Variants in KATNAL2 observed in about 807,000 individuals in gnomAD.
KATNAL2 encodes the protein katanin p60 ATPase-containing subunit A-like 2.
A neutral mutation model predicts 76.3 loss-of-function variants in KATNAL2; 52 were observed. The observed-to-expected ratio is 0.68, with a 90% CI of 0.55 to 0.86. The LOEUF (loss-of-function observed/expected upper bound fraction) is 0.86, where lower values mean the gene tolerates loss of function less well. Ranked by LOEUF, KATNAL2 falls within the 40% of genes least tolerant of loss-of-function variation. The pLI is 0.00. For missense variants in KATNAL2, 660 were observed against 668.9 expected, an observed-to-expected ratio of 0.99 and a Z score of 0.15; for synonymous variants, 243 against 244.2, an observed-to-expected ratio of 1.00 and a Z score of 0.05.
At chr18:47,031,451 G>T (rs1474967789) in intron 3 of KATNAL2, among the ~76,000 whole-genome samples, 3 of 151,754 alleles carry the variant, frequency 2.0e-5, no homozygotes, top group African/African-American at 4.8e-5. Flanking sequence ...GTGGGGGCGG[G>T]GTGTGTTTCT....
chr18:46,928,921 G>C (rs2058819273), intron 1 of KATNAL2, among the ~76,000 whole-genome samples: 1 of 151,666 alleles, frequency 6.6e-6, no homozygotes, highest in African/African-American at 2.4e-5. Flanking sequence ...TCAGCCTCCT[G>C]AGTAGCTGTT....
At chr18:46,923,064 T>A (rs1042178798) in intron 1 of KATNAL2, among the ~76,000 whole-genome samples, 20 of 150,474 alleles carry the variant, frequency 1.3e-4, no homozygotes, top group African/African-American at 4.1e-4. Context: ...ATTTTTTTTT[T>A]AATTTTATTA....
intron 3 of KATNAL2, among the ~76,000 whole-genome samples, chr18:46,949,848 A>G (rs145795757): frequency 4.6e-5 from 7 of 152,236 alleles, no homozygotes; most frequent in African/African-American, 1.7e-4. Flanking sequence ...CATCTTAGCT[A>G]TTACCCCTTG....
At chr18:46,930,687 C>CT (rs2058880252) in intron 1 of KATNAL2, among the ~76,000 whole-genome samples, 1 of 150,924 alleles carries the variant, frequency 6.6e-6, no homozygotes, top group Non-Finnish European at 1.5e-5. Context: ...TTGTGGCAGG[C>CT]ACCTGTAATT....
chr18:47,065,425 G>T (rs1348712365), intron 10 of KATNAL2, among the ~76,000 whole-genome samples: 1 of 150,812 alleles, frequency 6.6e-6, no homozygotes, highest in Non-Finnish European at 1.5e-5. Flanking sequence ...AGTATGCACA[G>T]ATTTTGGTAT....
chr18:47,056,255 T>C (rs981853091), intron 6 of KATNAL2, among the ~76,000 whole-genome samples: 3 of 152,182 alleles, frequency 2.0e-5, no homozygotes, highest in Non-Finnish European at 2.9e-5. Context: ...AGCTCCTCCA[T>C]TACAAAATCA....
chr18:47,041,608 C>T (rs946226722), intron 3 of KATNAL2, among the ~76,000 whole-genome samples: 6 of 152,126 alleles, frequency 3.9e-5, no homozygotes, highest in Non-Finnish European at 5.9e-5. Flanking sequence ...ACCTACTGAA[C>T]GACATCTTGG....
intron 3 of KATNAL2, chr18:47,035,347 C>T (rs1286517914): frequency 2.5e-6 from 4 of 1,599,418 alleles, no homozygotes; most frequent in South Asian, 1.1e-5. Context: ...CTGGGGTGGC[C>T]GGTCCTCGCT....
chr18:47,034,335 G>A, intron 3 of KATNAL2: 1 of 1,613,210 alleles, frequency 6.2e-7, no homozygotes, highest in Non-Finnish European at 8.5e-7. Context: ...TCGAGTGACT[G>A]TGCTGAGGCC....
chr18:47,062,951 A>G (rs754697463), intron 8 of KATNAL2, 21 bp from the exon 9 acceptor site: 33 of 1,586,250 alleles, frequency 2.1e-5, no homozygotes, highest in Non-Finnish European at 2.8e-5. Flanking sequence ...CATGGCATAA[A>G]TAACCATTCC....
chr18:46,965,581 GCCCCC>G (rs2510018), intron 3 of KATNAL2, among the ~76,000 whole-genome samples: 2 of 73,874 alleles, frequency 2.7e-5, no homozygotes, highest in Non-Finnish European at 2.9e-5. Flanking sequence ...TAGCATCCCC[GCCCCC>G]CCCCCCCCGC....
At chr18:47,082,862 T>A (rs987034321) in intron 15 of KATNAL2, among the ~76,000 whole-genome samples, 2 of 152,186 alleles carry the variant, frequency 1.3e-5, no homozygotes, top group African/African-American at 4.8e-5. Flanking sequence ...CCTGCCAAGT[T>A]TCCCCCCGCA....
chr18:46,926,347 G>C (rs2146518105), intron 1 of KATNAL2, among the ~76,000 whole-genome samples: 1 of 152,228 alleles, frequency 6.6e-6, no homozygotes, highest in South Asian at 2.1e-4. Context: ...TATTTACCCA[G>C]TAGTCATTCA....
At chr18:47,033,243 T>C (rs545105300) in intron 3 of KATNAL2, 91 of 1,613,702 alleles carry the variant, frequency 5.6e-5, no homozygotes, top group Non-Finnish European at 7.4e-5. Context: ...GCTTGGAGGC[T>C]GGCTTGATCT....
At chr18:47,086,862 T>C (rs1166033935) in intron 15 of KATNAL2, among the ~76,000 whole-genome samples, 1 of 152,252 alleles carries the variant, frequency 6.6e-6, no homozygotes, top group Non-Finnish European at 1.5e-5. Flanking sequence ...TCTTGCTTCG[T>C]TCACACCTTA....
intron 1 of KATNAL2, among the ~76,000 whole-genome samples, chr18:46,936,730 T>C (rs889503200): frequency 2.6e-5 from 4 of 152,162 alleles, no homozygotes; most frequent in Non-Finnish European, 4.4e-5. Context: ...GGCAGGTGGA[T>C]CACTTGAGAT....
intron 15 of KATNAL2, chr18:47,098,297 T>A (rs1037333477): frequency 1.7e-5 from 5 of 302,582 alleles, no homozygotes; most frequent in African/African-American, 4.6e-5. Context: ...GAAAAAAAAA[T>A]TAACTGGACT....
intron 15 of KATNAL2, among the ~76,000 whole-genome samples, chr18:47,079,740 G>C (rs1284925115): frequency 6.6e-6 from 1 of 151,984 alleles, no homozygotes; most frequent in Admixed American, 6.6e-5. Flanking sequence ...TTCTGGATTA[G>C]GCTCATTGTG....
At chr18:47,064,239 T>C (rs988628856) in intron 10 of KATNAL2, among the ~76,000 whole-genome samples, 2 of 140,668 alleles carry the variant, frequency 1.4e-5, no homozygotes, top group Non-Finnish European at 3.0e-5. Flanking sequence ...TTTAAGAGCA[T>C]GAAGGAGGGA....
Sources: allele counts gnomAD v4.1 joint callset (sites outside exome capture counted in the v4.1 genomes callset), GRCh38; gene constraint gnomAD v4.1.1; transcripts MANE v1.5; gene names NCBI Gene and HGNC (gene_info 2026-07-23, HGNC 2026-07-21).